Variants in SDK1 observed in about 807,000 individuals in gnomAD.
SDK1 encodes sidekick cell adhesion molecule 1.
SDK1 carries 157 observed loss-of-function variants against 245.5 expected under a neutral mutation model. That is an observed-to-expected ratio of 0.64 (90% CI 0.56 to 0.73). The LOEUF (loss-of-function observed/expected upper bound fraction) is 0.73, where lower values mean the gene tolerates loss of function less well. Ranked by LOEUF, SDK1 falls within the 30% of genes least tolerant of loss-of-function variation. The probability of loss-of-function intolerance (pLI) is 0.00; values close to 1 mark genes in which losing one functional copy is unlikely to be tolerated. For missense variants in SDK1, 3,583 were observed against 3,002.3 expected (o/e 1.19, Z -4.52); for synonymous variants, 1,647 against 1,278.5 (o/e 1.29, Z -6.15).
At chr7:4,048,585 C>G (rs1420730798) in intron 17 of SDK1, among the ~76,000 whole-genome samples, 2 of 152,018 alleles carry the variant, frequency 1.3e-5, no homozygotes, top group Non-Finnish European at 2.9e-5. Flanking sequence ...GTGCCCTTCT[C>G]AAGAACTTAC....
At chr7:4,206,031 C>G in intron 36 of SDK1, 37 bp downstream of exon 36, 8 of 1,359,544 alleles carry the variant, frequency 5.9e-6, no homozygotes, top group Non-Finnish European at 8.0e-6. Flanking sequence ...CCCTGGCTCG[C>G]TTGGGCACCC....
chr7:3,729,552 A>G (rs945422674), intron 4 of SDK1, among the ~76,000 whole-genome samples: 3 of 152,216 alleles, frequency 2.0e-5, no homozygotes, highest in East Asian at 1.9e-4. Context: ...CTGACCCACA[A>G]TGCCAACAGT....
In SDK1 at chr7:3,974,437, A is replaced by T; in HGVS notation, c.1886A>T (p.Asp629Val). The change falls in exon 13 of 45, where the codon GAC becomes GTC. Residue 629 changes from aspartate to valine, a missense_variant. Coordinates refer to ENST00000404826, the MANE Select transcript of SDK1 (RefSeq NM_152744.4). The part of the protein sequence containing the change: ...SSTSRIVVEK[D>V]GSLLISQTWS... The stretch of plus-strand genomic sequence containing the variant: ...ACGTCTAGGATCGTGGTGGAGAAGG[A>T]CGGGTCCCTTCTCATCAGCCAGACG... 1 of 1,613,928 alleles carries T rather than the reference A, an allele frequency of 6.2e-7. No homozygotes were observed. The highest frequency in any genetic ancestry group is 8.5e-7 in the Non-Finnish European group (1 of 1,179,832).
At chr7:3,499,394 TAAAGA>T (rs1269733860) in intron 1 of SDK1, among the ~76,000 whole-genome samples, 1 of 152,174 alleles carries the variant, frequency 6.6e-6, no homozygotes, top group Admixed American at 6.5e-5. Context: ...GTATGCCACA[TAAAGA>T]AAAGTATTAA....
At chr7:4,024,724 G>A (rs960167907) in intron 17 of SDK1, among the ~76,000 whole-genome samples, 3 of 152,240 alleles carry the variant, frequency 2.0e-5, no homozygotes, top group Admixed American at 2.0e-4. Context: ...TTCCCAAGGT[G>A]ATATAGCTGG....
intron 16 of SDK1, 88 bp from the exon 17 acceptor site, chr7:4,017,082 TC>T: frequency 1.6e-6 from 2 of 1,274,668 alleles, no homozygotes; most frequent in Non-Finnish European, 2.1e-6. Context: ...TACTTCCATT[TC>T]CCCCTAACCC....
chr7:4,190,868 G>T (rs1783160350), intron 35 of SDK1, among the ~76,000 whole-genome samples: 1 of 152,212 alleles, frequency 6.6e-6, no homozygotes, highest in Admixed American at 6.5e-5. Context: ...GGGAGGATGG[G>T]CTTGACACCA....
chr7:3,366,746 T>G lies in SDK1; in HGVS notation c.298+64862T>G, dbSNP rs568680932. On this transcript the variant is annotated intron_variant, in intron 1 of 44. Coordinates refer to ENST00000404826, the MANE Select transcript of SDK1 (RefSeq NM_152744.4). ...TTGATAATTATTGTTTTTATTTTATTTATTTATTTATTTTGAGACAGAGTC... is the reference window on the plus strand; with the variant it reads ...TTGATAATTATTGTTTTTATTTTATGTATTTATTTATTTTGAGACAGAGTC... 2.6e-5 allele frequency among the ~76,000 whole-genome samples: 4 copies of G among 152,132 alleles called. No homozygotes were observed. The East Asian group carries it at 7.7e-4, about 29-fold the overall frequency.
At chr7:3,451,702 A>G (rs1333900046) in intron 1 of SDK1, among the ~76,000 whole-genome samples, 1 of 152,230 alleles carries the variant, frequency 6.6e-6, no homozygotes, top group African/African-American at 2.4e-5. Context: ...CAGGTATGAA[A>G]TTAAACAGTA....
At position 3,682,387 on chromosome 7, in the gene SDK1, C is replaced by A. The variant is rs187467432; in HGVS notation, c.713+40282C>A. 8.3e-4 allele frequency among the ~76,000 whole-genome samples: 126 copies of A among 152,294 alleles called. 1 individual carries two copies. The highest frequency in any genetic ancestry group is 3.0e-3 in the African/African-American group (124 of 41,566). On this transcript the variant is annotated intron_variant, in intron 4 of 44. Coordinates refer to ENST00000404826, the MANE Select transcript of SDK1 (RefSeq NM_152744.4). ...TTTTGAGATTTGTAAATTAACATTT[C>A]CAGAGGGGAAGAAAACTCCTCTATA... is the stretch of plus-strand genomic sequence containing the variant.
chr7:3,989,965 GCTGT>G (rs1784171442), intron 14 of SDK1, among the ~76,000 whole-genome samples: 1 of 152,228 alleles, frequency 6.6e-6, no homozygotes, highest in Admixed American at 6.5e-5. Context: ...GGATCCCTGT[GCTGT>G]CTGACTCCAG....
intron 2 of SDK1, among the ~76,000 whole-genome samples, chr7:3,636,578 T>C (rs1346837101): frequency 1.3e-5 from 2 of 152,238 alleles, no homozygotes; most frequent in Non-Finnish European, 2.9e-5. Context: ...ATCGTGTGTA[T>C]ACACCACCTT....
intron 1 of SDK1, among the ~76,000 whole-genome samples, chr7:3,380,717 G>A (rs921249093): frequency 3.3e-5 from 5 of 152,138 alleles, no homozygotes; most frequent in Non-Finnish European, 7.4e-5. Flanking sequence ...TGTAGAGTAC[G>A]GCTTTTGACC....
At chr7:3,842,631 A>G (rs978724011) in intron 5 of SDK1, among the ~76,000 whole-genome samples, 3 of 152,168 alleles carry the variant, frequency 2.0e-5, no homozygotes, top group Non-Finnish European at 2.9e-5. Context: ...GTCAGTGGAC[A>G]GTTGTGACGA....
chr7:3,906,288 T>G (rs1478440621), intron 5 of SDK1, among the ~76,000 whole-genome samples: 1 of 152,250 alleles, frequency 6.6e-6, no homozygotes, highest in East Asian at 1.9e-4. Flanking sequence ...ATTTTTAACT[T>G]ATTTTGTAGT....
chr7:3,523,015 C>CA (rs1338856613), intron 1 of SDK1, among the ~76,000 whole-genome samples: 1 of 32,460 alleles, frequency 3.1e-5, no homozygotes, highest in African/African-American at 1.4e-4. Context: ...TAATTTAATA[C>CA]AAAATCGTAA....
intron 5 of SDK1, among the ~76,000 whole-genome samples, chr7:3,923,346 A>T (rs925595342): frequency 6.6e-6 from 1 of 152,152 alleles, no homozygotes; most frequent in Non-Finnish European, 1.5e-5. Flanking sequence ...ATGAATGTGC[A>T]GGCTGTATTG....
chr7:3,350,033 T>C (rs1780616505), intron 1 of SDK1, among the ~76,000 whole-genome samples: 1 of 152,246 alleles, frequency 6.6e-6, no homozygotes, highest in Admixed American at 6.5e-5. Context: ...CTCTCACATT[T>C]ATGCCTGCTT....
chr7:3,857,634 C>G (rs1043614496), intron 5 of SDK1, among the ~76,000 whole-genome samples: 1 of 151,350 alleles, frequency 6.6e-6, no homozygotes, highest in Non-Finnish European at 1.5e-5. Flanking sequence ...CTGCAGTGAT[C>G]TATGATGGCA....
Sources: gnomAD v4.1 joint callset for allele counts (sites outside exome capture counted in the v4.1 genomes callset) on GRCh38, gnomAD v4.1.1 for gene constraint, MANE v1.5 for transcripts, NCBI Gene and HGNC (gene_info 2026-07-23, HGNC 2026-07-21) for gene names.